ZNF528: variants seen among roughly 807,000 people sequenced by gnomAD.
ZNF528 encodes zinc finger protein 528.
A neutral mutation model predicts 13.3 loss-of-function variants in ZNF528; 9 were observed. The ratio of observed to expected loss-of-function variants is 0.67; its 90% CI spans 0.41 to 1.18. The LOEUF (loss-of-function observed/expected upper bound fraction) is 1.18. Among genes scored for constraint, ZNF528 ranks in the 50% most tolerant of loss-of-function variants. The pLI, the probability that ZNF528 is intolerant of heterozygous loss-of-function variation, is 0.01. For missense variants in ZNF528, 858 were observed against 745.4 expected (o/e 1.15, Z -1.76); for synonymous variants, 264 against 254.3 (o/e 1.04, Z -0.36).
At chr19:52,414,726 T>C in intron 6 of ZNF528, 1 of 382,106 alleles carries the variant, frequency 2.6e-6, no homozygotes, top group South Asian at 2.2e-5. Context: ...GGCCTTCAGC[T>C]TCCTACATGT....
At chr19:52,402,350 A>G (rs1319950404) in intron 4 of ZNF528, 2 of 452,610 alleles carry the variant, frequency 4.4e-6, no homozygotes, top group Non-Finnish European at 7.9e-6. Flanking sequence ...ATGCACTGTC[A>G]GTGTTCTGTG....
intron 2 of ZNF528, among the ~76,000 whole-genome samples, chr19:52,400,122 C>T (rs978302765): frequency 1.3e-5 from 2 of 151,904 alleles, no homozygotes; most frequent in Non-Finnish European, 2.9e-5. Context: ...CAGCCCCATT[C>T]ACTCTCTCCT....
Position 52,398,631 on chromosome 19 carries a change from G to A in ZNF528, c.-137+12G>A. ...AGGCAAAGTAGAAGGTGAGTGAGGG[G>A]TTTGCAGAGGCACAGTGAAAGAAGG... On this transcript the variant is annotated intron_variant, in intron 2 of 6. Coordinates refer to ENST00000360465, the MANE Select transcript of ZNF528 (RefSeq NM_032423.3). 2.0e-6 allele frequency: 2 copies of A among 984,944 alleles called. No homozygotes were observed. The highest frequency in any genetic ancestry group is 4.7e-5 in the South Asian group (1 of 21,274). The allele number at this position is 984,944 out of a possible 1,614,324, so 61.0% of individuals were successfully genotyped here.
chr19:52,399,813 C>T (rs2058770355), intron 2 of ZNF528, among the ~76,000 whole-genome samples: 1 of 152,124 alleles, frequency 6.6e-6, no homozygotes, highest in Non-Finnish European at 1.5e-5. Flanking sequence ...ATGGGAATTA[C>T]TTGTCACCAA....
Position 52,416,425 on chromosome 19 carries a change from C to T in ZNF528, c.1573C>T (p.Gln525Ter), listed in dbSNP as rs761190481. 2 of 1,613,748 alleles carry T rather than the reference C, an allele frequency of 1.2e-6. No homozygotes were observed. Among genetic ancestry groups the T allele is most frequent in the Admixed American group, 1.7e-5 (1 of 59,964 alleles). Reference protein sequence around the residue: ...HTGEKPYKCNQCGKVFNQASY... With the variant: ...HTGEKPYKCN The stretch of plus-strand genomic sequence containing the variant: ...AGGAGAAAAGCCTTACAAATGTAAT[C>T]AATGTGGCAAGGTCTTTAATCAAGC... Residue 525 changes from glutamine to a stop codon, truncating the protein, a stop_gained, in exon 7 of 7, where the codon CAA becomes TAA. Transcript: ENST00000360465. LOFTEE classifies it low-confidence loss of function (END_TRUNC).
At chr19:52,413,684 C>G (rs567203695) in intron 6 of ZNF528, 1 of 152,264 alleles carries the variant, frequency 6.6e-6, no homozygotes, top group East Asian at 1.9e-4. Flanking sequence ...GTGGTAAAAA[C>G]CAATTTTTAT....
At chr19:52,413,815 C>A in intron 6 of ZNF528, 1 of 183,756 alleles carries the variant, frequency 5.4e-6, no homozygotes, top group South Asian at 1.1e-4. Context: ...ACAGTACGAA[C>A]CAGACTCCAC....
chr19:52,414,205 T>C, intron 6 of ZNF528: 1 of 702,486 alleles, frequency 1.4e-6, no homozygotes, highest in South Asian at 1.5e-5. Context: ...GAATTTCAGT[T>C]CCTCTACTCC....
rs578052596 is a variant in ZNF528, at chr19:52,409,365, A to G, written c.271+2722A>G. ...CCCAGGCTGGAGTGCAGTGCCATGC[A>G]TGATATTGGCTCACTGCAGCCTCCA... On this transcript the variant is annotated intron_variant, in intron 6 of 6. Coordinates refer to ENST00000360465, the MANE Select transcript of ZNF528 (RefSeq NM_032423.3). Among the ~76,000 whole-genome samples the G allele has an allele frequency of 1.1e-3, 168 of 150,292 alleles. 2 individuals are homozygous for G. The highest frequency in any genetic ancestry group is 3.9e-3 in the African/African-American group (161 of 40,932).
intron 2 of ZNF528, 102 bp downstream of exon 2, chr19:52,398,721 A>G (rs2058757033): frequency 3.3e-6 from 2 of 612,116 alleles, no homozygotes; most frequent in South Asian, 7.1e-5. Context: ...GTCTGTAGAA[A>G]GACGAAATTC....
intron 6 of ZNF528, among the ~76,000 whole-genome samples, chr19:52,409,298 ATC>A (rs1174077523): frequency 5.5e-5 from 8 of 144,832 alleles, no homozygotes; most frequent in Non-Finnish European, 1.2e-4. Context: ...GAATGATCAA[ATC>A]TCTTTTTTTT....
At chr19:52,408,542 T>G (rs1194866838) in intron 6 of ZNF528, 1 of 152,156 alleles carries the variant, frequency 6.6e-6, no homozygotes, top group Non-Finnish European at 1.5e-5. Flanking sequence ...TGTTTCTGTA[T>G]TTGATCATTT....
rs777679258 is a variant in ZNF528 at position 52,416,327 on chromosome 19, C to T, written c.1475C>T (p.Pro492Leu). The T allele has an allele frequency of 3.7e-6, 6 of 1,614,084 alleles. No homozygotes were observed. The highest frequency in any genetic ancestry group is 3.3e-5 in the South Asian group (3 of 91,078). The change falls in exon 7 of 7, where the codon CCT becomes CTT. Residue 492 changes from proline to leucine, a missense_variant. By Grantham distance (98) the Pro-to-Leu change is moderately conservative. Coordinates refer to ENST00000360465, the MANE Select transcript of ZNF528 (RefSeq NM_032423.3). ...CATAGAATTCATACTGGAGAGAAGC[C>T]TTACAAATGTAACAGATGTGGCAAG... ...SHHRIHTGEK[P>L]YKCNRCGKVF...
intron 5 of ZNF528, 139 bp from the exon 6 acceptor site, chr19:52,406,376 A>G: frequency 7.6e-7 from 1 of 1,310,376 alleles, no homozygotes; most frequent in Non-Finnish European, 1.0e-6. Context: ...TTCCCTAAGC[A>G]TTCAGAAAGA....
intron 6 of ZNF528, chr19:52,414,375 A>T: frequency 1.4e-6 from 1 of 699,504 alleles, no homozygotes; most frequent in Non-Finnish European, 2.6e-6. Context: ...AAAGGTGTAT[A>T]TTTGGAAGAA....
At position 52,416,295 on chromosome 19, in the gene ZNF528, C is replaced by T. The variant is rs2059003040; in HGVS notation, c.1443C>T (p.Thr481=). Residue 481 remains threonine, a synonymous_variant, in exon 7 of 7, where the codon ACC becomes ACT. Coordinates refer to ENST00000360465, the MANE Select transcript of ZNF528 (RefSeq NM_032423.3). ...TCTTCAGGTACAAGTCTTCTCTAAC[C>T]AGTCATCATAGAATTCATACTGGAG... ...GKVFRYKSSL[T]SHHRIHTGEK... 6.2e-7 allele frequency: 1 copy of T among 1,613,404 alleles called. No homozygotes were observed.
chr19:52,411,562 A>G (rs915745118), intron 6 of ZNF528: 2 of 152,158 alleles, frequency 1.3e-5, no homozygotes, highest in Non-Finnish European at 2.9e-5. Flanking sequence ...TCTTTTACCA[A>G]CAGATGAAGT....
chr19:52,402,343 C>A, intron 4 of ZNF528: 1 of 486,622 alleles, frequency 2.1e-6, no homozygotes, highest in Non-Finnish European at 3.7e-6. Flanking sequence ...CATCTGGATG[C>A]ACTGTCAGTG....
At position 52,414,067 on chromosome 19, in the gene ZNF528, T is replaced by C. The variant is rs2058966591; in HGVS notation, c.272-1057T>C. The C allele has an allele frequency of 3.8e-5, 23 of 612,484 alleles. 1 individual carries two copies. In the South Asian group the frequency reaches 4.2e-4, roughly 11 times the overall value. The allele number at this position is 612,484 out of a possible 1,614,324, so 37.9% of individuals were successfully genotyped here. ...AGACAAGTTCTGCCCCACGTTACCC[T>C]GATTCAGAAAACTTCCCGTTCGCAG... On this transcript the variant is annotated intron_variant, in intron 6 of 6. Transcript: ENST00000360465.
Sources: gnomAD v4.1 joint callset for allele counts (sites outside exome capture counted in the v4.1 genomes callset) on GRCh38, gnomAD v4.1.1 for gene constraint, MANE v1.5 for transcripts, NCBI Gene and HGNC (gene_info 2026-07-23, HGNC 2026-07-21) for gene names.